Variants in CADM1 observed in about 807,000 individuals in gnomAD.
The protein encoded by CADM1 is TSLC-1.
A neutral mutation model predicts 53.1 loss-of-function variants in CADM1; 15 were observed. That is an observed-to-expected ratio of 0.28 (90% CI 0.19 to 0.44). CADM1 has a LOEUF of 0.44. CADM1 is among the 20% of genes least tolerant of loss of function. CADM1 has a pLI of 1.00. For missense variants in CADM1, 434 were observed against 611.3 expected (o/e 0.71, Z 3.06); for synonymous variants, 281 against 243.0 (o/e 1.16, Z -1.45).
chr11:115,415,155 T>C (rs1352919572), intron 1 of CADM1, among the ~76,000 whole-genome samples: 1 of 152,248 alleles, frequency 6.6e-6, no homozygotes, highest in African/African-American at 2.4e-5. Context: ...TCTTAACCTC[T>C]GACAGTTTTC....
intron 1 of CADM1, among the ~76,000 whole-genome samples, chr11:115,343,072 A>G (rs1945489534): frequency 6.6e-6 from 1 of 152,146 alleles, no homozygotes; most frequent in African/African-American, 2.4e-5. Context: ...AATGAAAATG[A>G]TTATCTTGTA....
rs1945303347 is a variant in CADM1, at chr11:115,337,666, T to A, written c.125-97246A>T. On this transcript the variant is annotated intron_variant, in intron 1 of 11. Transcript: ENST00000331581. ...ACTAAGTTATACATATATTTTTTTC[T>A]TTTTTGCCCTCTTTGTATTCCCCAT... 2.0e-5 allele frequency among the ~76,000 whole-genome samples: 3 copies of A among 152,168 alleles called. No individual in the cohort carries two copies. The South Asian group carries it at 6.2e-4, about 32-fold the overall frequency.
intron 1 of CADM1, among the ~76,000 whole-genome samples, chr11:115,424,706 TG>T (rs1456325897): frequency 1.3e-5 from 2 of 152,026 alleles, no homozygotes; most frequent in Non-Finnish European, 2.9e-5. Context: ...TTTGCATTTT[TG>T]TAGAGAGGGG....
chr11:115,284,087 A>ACTCTCTCTCT lies in CADM1; in HGVS notation c.125-43677_125-43668dup, dbSNP rs141079093. 9.8e-3 allele frequency among the ~76,000 whole-genome samples: 467 copies of ACTCTCTCTCT among 47,428 alleles called. 15 individuals carry two copies. The highest frequency in any genetic ancestry group is 0.019 in the African/African-American group (182 of 9,522). 31.1% of individuals were successfully genotyped at this position (47,428 alleles called of 152,430 possible). On this transcript the variant is annotated intron_variant, in intron 1 of 11. Transcript: ENST00000331581. ...AGGGTGAAGATCTACAAGCCCAGAC[A>ACTCTCTCTCT]CTCTCTCTCTCTCTCTCTCTCTCTC... is the stretch of plus-strand genomic sequence containing the variant.
At chr11:115,393,554 A>T (rs1946900224) in intron 1 of CADM1, among the ~76,000 whole-genome samples, 1 of 133,380 alleles carries the variant, frequency 7.5e-6, no homozygotes, top group Non-Finnish European at 1.8e-5. Context: ...TGTTAACAGT[A>T]TCTGAAAAAA....
intron 1 of CADM1, among the ~76,000 whole-genome samples, chr11:115,248,401 G>A (rs945435311): frequency 2.6e-5 from 4 of 152,116 alleles, no homozygotes; most frequent in East Asian, 1.9e-4. Context: ...AAACAATTAC[G>A]ACGCTGAAGG....
rs1464308812 is a variant in CADM1 at position 115,478,454 on chromosome 11, G to T, written c.124+25817C>A. On this transcript the variant is annotated intron_variant, in intron 1 of 11. Coordinates refer to ENST00000331581, the MANE Select transcript of CADM1 (RefSeq NM_001301043.2). ...TATAAATACCTCTTTAAACTCCTAT[G>T]TATCTAGACAAAAACAAAGAGTAAA... 4.6e-5 allele frequency among the ~76,000 whole-genome samples: 7 copies of T among 152,118 alleles called. No homozygotes were observed. The East Asian group carries it at 1.3e-3, about 29-fold the overall frequency.
intron 1 of CADM1, chr11:115,399,437 A>C (rs1458122534): frequency 1.3e-5 from 2 of 152,234 alleles, no homozygotes; most frequent in Non-Finnish European, 2.9e-5. Flanking sequence ...CTGCTACAGC[A>C]TCAGAGAAGA....
In CADM1 at chr11:115,232,702, C is replaced by A. The variant is rs118009497; in HGVS notation, c.425-1212G>T. Among the ~76,000 whole-genome samples, 372 of 152,148 alleles carry A rather than the reference C, an allele frequency of 2.4e-3. 1 individual carries two copies. The highest frequency in any genetic ancestry group is 0.017 in the Middle Eastern group (5 of 294). ...ATAAAATATGTTATCTTTTATGAAA[C>A]TGAGTTGACAGTAAAATTTCATATG... On this transcript the variant is annotated intron_variant, in intron 3 of 11. Transcript: ENST00000331581.
At chr11:115,234,430 T>A (rs954655819) in intron 3 of CADM1, among the ~76,000 whole-genome samples, 1 of 152,164 alleles carries the variant, frequency 6.6e-6, no homozygotes, top group African/African-American at 2.4e-5. Context: ...CCCATCTGGA[T>A]TATTTGTTGT....
intron 1 of CADM1, among the ~76,000 whole-genome samples, chr11:115,340,748 C>A (rs9888244): frequency 0.34 from 49,072 of 142,556 alleles, 9,119 homozygotes; most frequent in Non-Finnish European, 0.43. Context: ...GCAACCTCTG[C>A]CTCCCGGGTT....
At chr11:115,490,523 C>T (rs1435890426) in intron 1 of CADM1, among the ~76,000 whole-genome samples, 2 of 151,690 alleles carry the variant, frequency 1.3e-5, no homozygotes, top group Non-Finnish European at 2.9e-5. Flanking sequence ...CTCAGCCACC[C>T]GAGTAGCTGG....
At chr11:115,461,093 G>T (rs1404451227) in intron 1 of CADM1, among the ~76,000 whole-genome samples, 1 of 151,700 alleles carries the variant, frequency 6.6e-6, no homozygotes, top group Non-Finnish European at 1.5e-5. Context: ...CGTGTACCTG[G>T]TACTGTGCAA....
At chr11:115,238,199 G>C (rs1224407888) in intron 3 of CADM1, among the ~76,000 whole-genome samples, 1 of 152,176 alleles carries the variant, frequency 6.6e-6, no homozygotes, top group Non-Finnish European at 1.5e-5. Flanking sequence ...AATCCCGGTA[G>C]TTAGAAGTAA....
chr11:115,393,740 T>G (rs1262706608), intron 1 of CADM1, among the ~76,000 whole-genome samples: 1 of 152,106 alleles, frequency 6.6e-6, no homozygotes, highest in Non-Finnish European at 1.5e-5. Flanking sequence ...CAGTTTTAGT[T>G]CCTAATCCAC....
chr11:115,229,949 C>A (rs570448623), intron 4 of CADM1, among the ~76,000 whole-genome samples: 1 of 152,282 alleles, frequency 6.6e-6, no homozygotes, highest in African/African-American at 2.4e-5. Context: ...CAAGAACACC[C>A]AGAAAAGGAG....
At chr11:115,383,279 C>T (rs547943423) in intron 1 of CADM1, among the ~76,000 whole-genome samples, 1 of 152,244 alleles carries the variant, frequency 6.6e-6, no homozygotes, top group African/African-American at 2.4e-5. Context: ...GCGTACAGCT[C>T]TATTTCAGAA....
At chr11:115,204,338 G>C (rs1404050136) in intron 8 of CADM1, among the ~76,000 whole-genome samples, 2 of 152,240 alleles carry the variant, frequency 1.3e-5, no homozygotes, top group African/African-American at 4.8e-5. Flanking sequence ...GGCACCTTCT[G>C]CCTGTGCCAC....
chr11:115,231,211 C>T, intron 4 of CADM1, 142 bp downstream of exon 4: 2 of 940,632 alleles, frequency 2.1e-6, no homozygotes, highest in Non-Finnish European at 3.5e-6. Context: ...TGGCCTCAGA[C>T]ATATTTAGTA....
Sources: allele counts gnomAD v4.1 joint callset (sites outside exome capture counted in the v4.1 genomes callset), GRCh38; gene constraint gnomAD v4.1.1; transcripts MANE v1.5; gene names NCBI Gene and HGNC (gene_info 2026-07-23, HGNC 2026-07-21).